IFT52: variants seen among roughly 807,000 people sequenced by gnomAD.
The protein encoded by IFT52 is intraflagellar transport 52, also known as intraflagellar transport protein 52 homolog.
Under a neutral mutation model 54.4 loss-of-function variants are expected in IFT52, and 44 were observed. The observed-to-expected ratio is 0.81, with a 90% CI of 0.63 to 1.04. The LOEUF (loss-of-function observed/expected upper bound fraction) is 1.04. Ranked by LOEUF, IFT52 falls within the 50% of genes least tolerant of loss-of-function variation. The probability of loss-of-function intolerance (pLI) is 0.00; values close to 1 mark genes in which losing one functional copy is unlikely to be tolerated. For missense variants in IFT52, 452 were observed against 523.6 expected, an observed-to-expected ratio of 0.86 and a Z score of 1.33; for synonymous variants, 181 against 185.3, an observed-to-expected ratio of 0.98 and a Z score of 0.19.
At position 43,624,062 on chromosome 20, in the gene IFT52, C is replaced by T. The variant is rs752021251; in HGVS notation, c.923+17C>T. ...CGTCATCGAGTCAGTACCTGTGGGC[C>T]TCTGAGCCACACTGCACTCCATTCT... On this transcript the variant is annotated intron_variant, in intron 10 of 13. Coordinates refer to ENST00000373030, the MANE Select transcript of IFT52 (RefSeq NM_016004.5). The T allele has an allele frequency of 1.9e-6, 3 of 1,612,932 alleles. No homozygotes were observed.
At position 43,635,990 on chromosome 20, in the gene IFT52, C is replaced by A; in HGVS notation, c.988C>A (p.Pro330Thr). ...LQLIQPQFETPLPTLQPAVFP... is the reference protein window; with the variant it reads ...LQLIQPQFETTLPTLQPAVFP... ...GCTCATCCAGCCTCAGTTTGAGACG[C>A]CGCTGCCAACCCTTCAGCCTGCGGT... Residue 330 changes from proline (P) to threonine (T), a missense_variant, in exon 11 of 14, where the codon CCG (proline) becomes ACG (threonine). Pro to Thr is a conservative substitution (Grantham distance 38). Coordinates refer to ENST00000373030, the MANE Select transcript of IFT52 (RefSeq NM_016004.5). The A allele has an allele frequency of 6.2e-7, 1 of 1,614,180 alleles. No individual in the cohort carries two copies. The highest frequency in any genetic ancestry group is 1.1e-5 in the South Asian group (1 of 91,088).
intron 6 of IFT52, 85 bp downstream of exon 6, chr20:43,605,158 G>C: frequency 6.4e-7 from 1 of 1,554,734 alleles, no homozygotes. Flanking sequence ...TTTGTTTCTG[G>C]TTACAAAAAT....
In IFT52 at chr20:43,623,922, C is replaced by G. The variant is rs561294953; in HGVS notation, c.800C>G (p.Ala267Gly). The G allele has an allele frequency of 2.5e-6, 4 of 1,614,146 alleles. No individual in the cohort carries two copies. Among genetic ancestry groups the G allele is most frequent in the Non-Finnish European group, 2.5e-6 (3 of 1,180,002 alleles). Residue 267 changes from alanine to glycine, a missense_variant, in exon 10 of 14, where the codon GCC becomes GGC. By Grantham distance (60) the Ala-to-Gly change is moderately conservative. Coordinates refer to ENST00000373030, the MANE Select transcript of IFT52 (RefSeq NM_016004.5). ...GACTACATGATGCTGCCCTACACAG[C>G]CACCCTATCAAAGCGGAATCGAGAG... Reference protein sequence around the residue: ...ISDYMMLPYTATLSKRNRECL... With the variant: ...ISDYMMLPYTGTLSKRNRECL...
chr20:43,619,352 T>G (rs745413451), intron 8 of IFT52, among the ~76,000 whole-genome samples: 1 of 152,170 alleles, frequency 6.6e-6, no homozygotes, highest in African/African-American at 2.4e-5. Context: ...AGCTTGAACT[T>G]GATGCTGAAA....
chr20:43,641,341 G>A (rs867157221), intron 12 of IFT52, among the ~76,000 whole-genome samples: 6 of 151,576 alleles, frequency 4.0e-5, no homozygotes, highest in East Asian at 2.0e-4. Context: ...GGGTTCAAGC[G>A]ATTCTCCTGC....
At chr20:43,637,118 C>T in intron 11 of IFT52, 27 bp from the exon 12 acceptor site, 1 of 1,470,736 alleles carries the variant, frequency 6.8e-7, no homozygotes, top group Non-Finnish European at 9.5e-7. Context: ...TCCCTCATTT[C>T]TAAATAATGA....
chr20:43,621,924 G>C (rs1261100060), intron 9 of IFT52, among the ~76,000 whole-genome samples: 2 of 152,206 alleles, frequency 1.3e-5, no homozygotes, highest in African/African-American at 4.8e-5. Flanking sequence ...TGCCCTGGGA[G>C]GCACATGGTC....
chr20:43,625,419 A>C (rs1307858592), intron 10 of IFT52, among the ~76,000 whole-genome samples: 7 of 152,130 alleles, frequency 4.6e-5, no homozygotes, highest in Non-Finnish European at 8.8e-5. Flanking sequence ...GAGGCAGGAG[A>C]ATCGTTTGAA....
At chr20:43,642,651 G>C (rs1172401237) in intron 13 of IFT52, 27 bp downstream of exon 13, 1 of 1,609,536 alleles carries the variant, frequency 6.2e-7, no homozygotes, top group East Asian at 2.2e-5. Context: ...GCACAGTGTA[G>C]TGGGAGCCCC....
intron 10 of IFT52, among the ~76,000 whole-genome samples, chr20:43,628,225 A>G (rs4812729): frequency 0.88 from 134,311 of 152,086 alleles, 59,557 homozygotes; most frequent in African/African-American, 0.96. Context: ...CACCACGCCC[A>G]GCCCAGTCTT....
chr20:43,612,206 A>G (rs1210491967), intron 6 of IFT52, among the ~76,000 whole-genome samples: 1 of 151,994 alleles, frequency 6.6e-6, no homozygotes, highest in African/African-American at 2.4e-5. Flanking sequence ...TTCTTCCTCC[A>G]TGGACAACTG....
chr20:43,615,762 C>T (rs1568751789), intron 7 of IFT52, among the ~76,000 whole-genome samples: 2 of 152,250 alleles, frequency 1.3e-5, no homozygotes, highest in South Asian at 4.1e-4. Flanking sequence ...CATGGTGAAA[C>T]CCCCTCTCTA....
chr20:43,601,074 G>A (rs773762175), intron 3 of IFT52, among the ~76,000 whole-genome samples: 1 of 152,034 alleles, frequency 6.6e-6, no homozygotes, highest in Non-Finnish European at 1.5e-5. Flanking sequence ...CAAATGCTGT[G>A]GAATAGTTCT....
In IFT52 at chr20:43,637,232, C is replaced by T; in HGVS notation, c.1099C>T (p.Leu367=). ...DETFSSEKAR[L]AQITNKCTEE... ...AACGTTCTCCTCTGAGAAGGCACGG[C>T]TGGCTCAGATTACCAATAAGTGTAA... Residue 367 remains leucine, a synonymous_variant, in exon 12 of 14, where the codon CTG becomes TTG. Transcript: ENST00000373030. The T allele has an allele frequency of 6.3e-7, 1 of 1,576,350 alleles. No individual in the cohort carries two copies. The highest frequency in any genetic ancestry group is 8.6e-7 in the Non-Finnish European group (1 of 1,167,382).
chr20:43,619,207 T>C, intron 8 of IFT52, among the ~76,000 whole-genome samples, 181 bp downstream of exon 8: 1 of 152,138 alleles, frequency 6.6e-6, no homozygotes, highest in East Asian at 1.9e-4. Context: ...GAAAAGTTTG[T>C]AATACACTGA....
intron 7 of IFT52, among the ~76,000 whole-genome samples, chr20:43,614,531 CT>C (rs111989807): frequency 0.027 from 3,983 of 146,896 alleles, 60 homozygotes; most frequent in Non-Finnish European, 0.037. Context: ...TTTAAAATAA[CT>C]TTTTTTTTTT....
intron 3 of IFT52, 129 bp from the exon 4 acceptor site, chr20:43,603,631 T>C (rs1247412159): frequency 2.5e-6 from 2 of 788,316 alleles, no homozygotes; most frequent in Middle Eastern, 3.6e-4. Flanking sequence ...TTTTATCTTA[T>C]ATACATTTAT....
At chr20:43,632,512 C>G (rs1985244599) in intron 10 of IFT52, among the ~76,000 whole-genome samples, 1 of 152,152 alleles carries the variant, frequency 6.6e-6, no homozygotes, top group Non-Finnish European at 1.5e-5. Context: ...CCACCCACCT[C>G]AGCCTCCCAA....
intron 7 of IFT52, 71 bp from the exon 8 acceptor site, chr20:43,618,869 G>C: frequency 1.1e-6 from 1 of 934,182 alleles, no homozygotes; most frequent in South Asian, 1.4e-5. Flanking sequence ...ATTCTAATAA[G>C]TGTCTGGGTA....
Sources: allele counts gnomAD v4.1 joint callset (sites outside exome capture counted in the v4.1 genomes callset), GRCh38; gene constraint gnomAD v4.1.1; transcripts MANE v1.5; gene names NCBI Gene and HGNC (gene_info 2026-07-23, HGNC 2026-07-21).